B4GALNT2: variants seen among roughly 807,000 people sequenced by gnomAD.
The protein encoded by B4GALNT2 is beta-1,4-N-acetyl-galactosaminyltransferase 2 (SID blood group).
Under a neutral mutation model 51.1 loss-of-function variants are expected in B4GALNT2, and 42 were observed. That is an observed-to-expected ratio of 0.82 (90% CI 0.64 to 1.06). The LOEUF is 1.06. Ranked by LOEUF, B4GALNT2 falls within the 50% of genes least tolerant of loss-of-function variation. The pLI is 0.00. For synonymous variants in B4GALNT2, 253 were observed against 251.7 expected (o/e 1.01, Z -0.05); for missense variants, 602 against 633.6 (o/e 0.95, Z 0.54).
chr17:49,133,634 C>T (rs182940221), intron 1 of B4GALNT2, among the ~76,000 whole-genome samples: 23 of 152,122 alleles, frequency 1.5e-4, no homozygotes, highest in African/African-American at 4.3e-4. Flanking sequence ...CACGTTTGGC[C>T]GGGCGCAGTG....
chr17:49,158,706 G>A (rs182917832), intron 5 of B4GALNT2, among the ~76,000 whole-genome samples: 4 of 151,500 alleles, frequency 2.6e-5, no homozygotes, highest in Admixed American at 2.0e-4. Flanking sequence ...TATATAGAGA[G>A]AGGAAGAGGA....
rs1479155815 is a variant in B4GALNT2, at chr17:49,174,282, G to A, written c.*4554G>A. The A allele has an allele frequency of 6.6e-6, 1 of 152,198 alleles. No individual in the cohort carries two copies. The highest frequency in any genetic ancestry group is 2.4e-5 in the African/African-American group (1 of 41,452). The allele number at this position is 152,198 out of a possible 1,614,324, so 9.4% of individuals were successfully genotyped here. On this transcript the variant is annotated 3_prime_UTR_variant, in exon 11 of 11. Coordinates refer to ENST00000393354, the MANE Select transcript of B4GALNT2 (RefSeq NM_001159387.2). ...ATGTAACACTGTGAAAATTTTTTAT[G>A]AGTAGGTTCAATTGTTTGCCCTACA...
In B4GALNT2 at chr17:49,171,232, A is replaced by G. The variant is rs2042955830; in HGVS notation, c.*1504A>G. On this transcript the variant is annotated 3_prime_UTR_variant, in exon 11 of 11. Transcript: ENST00000393354. The stretch of plus-strand genomic sequence containing the variant: ...TGAGCTAATTCTCACAGGAGTCAGG[A>G]TCCGCACCTGCAGACTATACAAAGA... 10 of 230,356 alleles carry G rather than the reference A, an allele frequency of 4.3e-5. No homozygotes were observed. The South Asian group carries it at 4.7e-4, about 11-fold the overall frequency. The allele number at this position is 230,356 out of a possible 1,614,324, so 14.3% of individuals were successfully genotyped here.
intron 3 of B4GALNT2, among the ~76,000 whole-genome samples, chr17:49,144,822 T>G (rs918534501): frequency 4.6e-5 from 7 of 152,150 alleles, no homozygotes; most frequent in African/African-American, 1.7e-4. Flanking sequence ...TTAACTTACA[T>G]GATCACAAGG....
chr17:49,127,799 G>A (rs538191742), upstream of B4GALNT2, among the ~76,000 whole-genome samples: 1 of 152,272 alleles, frequency 6.6e-6, no homozygotes, highest in Non-Finnish European at 1.5e-5. Flanking sequence ...GGTTCCATAA[G>A]GAAAACAGAT....
chr17:49,157,435 C>T (rs937778192), intron 5 of B4GALNT2, among the ~76,000 whole-genome samples: 2 of 152,116 alleles, frequency 1.3e-5, no homozygotes, highest in African/African-American at 4.8e-5. Context: ...AGTCTCCTGC[C>T]TCAGCCTCCC....
At chr17:49,146,656 A>T (rs1325473898) in intron 3 of B4GALNT2, among the ~76,000 whole-genome samples, 1 of 152,062 alleles carries the variant, frequency 6.6e-6, no homozygotes, top group African/African-American at 2.4e-5. Context: ...CTCCATAGGG[A>T]TCCTCAAATT....
At chr17:49,158,636 C>CAAAAA (rs770885158) in intron 5 of B4GALNT2, among the ~76,000 whole-genome samples, 2 of 74,148 alleles carry the variant, frequency 2.7e-5, no homozygotes, top group Non-Finnish European at 2.4e-5. Context: ...GACTCCATCT[C>CAAAAA]AAAAAAAAAA....
upstream of B4GALNT2, among the ~76,000 whole-genome samples, chr17:49,131,049 A>G (rs942255066): frequency 4.6e-5 from 7 of 152,178 alleles, no homozygotes; most frequent in Non-Finnish European, 1.0e-4. Context: ...TCCTAGCCCC[A>G]TTACTGGCCA....
chr17:49,141,029 T>C (rs2042638880), intron 1 of B4GALNT2, among the ~76,000 whole-genome samples: 1 of 152,092 alleles, frequency 6.6e-6, no homozygotes, highest in African/African-American at 2.4e-5. Context: ...TAACCTTTTT[T>C]TTTTTCTGGA....
At chr17:49,132,163 T>A (rs2042544709), upstream of B4GALNT2, among the ~76,000 whole-genome samples, 1 of 152,098 alleles carries the variant, frequency 6.6e-6, no homozygotes, top group African/African-American at 2.4e-5. Context: ...AGCTGGGTCA[T>A]TAGAATACAA....
intron 3 of B4GALNT2, among the ~76,000 whole-genome samples, chr17:49,144,651 G>T (rs1043926461): frequency 6.6e-6 from 1 of 152,168 alleles, no homozygotes; most frequent in Non-Finnish European, 1.5e-5. Context: ...TGTAATACCA[G>T]CACTTTGGGA....
chr17:49,166,335 T>A, intron 9 of B4GALNT2, 81 bp downstream of exon 9: 25 of 265,270 alleles, frequency 9.4e-5, no homozygotes, highest in Non-Finnish European at 1.5e-4. Flanking sequence ...AAGAAATATA[T>A]AAGAGAAGAG....
In B4GALNT2 at chr17:49,156,559, C is replaced by T; in HGVS notation, c.461-7C>T. 4 of 1,613,726 alleles carry T rather than the reference C, an allele frequency of 2.5e-6. No individual in the cohort carries two copies. The highest frequency in any genetic ancestry group is 3.4e-6 in the Non-Finnish European group (4 of 1,179,890). ...CAGTTTTCTTTCCTTTTCCCTGTGT[C>T]CTCCAGGCCTCCAGTTTGAAGGACC... On this transcript the variant is annotated splice_polypyrimidine_tract_variant and splice_region_variant and intron_variant, in intron 4 of 10. Transcript: ENST00000393354.
chr17:49,135,510 G>A (rs997545654), intron 1 of B4GALNT2, among the ~76,000 whole-genome samples: 5 of 151,368 alleles, frequency 3.3e-5, no homozygotes, highest in Non-Finnish European at 5.9e-5. Context: ...CACCCGCCTC[G>A]GCCTCCCAAA....
chr17:49,138,993 A>G (rs1248999207), intron 1 of B4GALNT2, among the ~76,000 whole-genome samples: 1 of 152,214 alleles, frequency 6.6e-6, no homozygotes, highest in Non-Finnish European at 1.5e-5. Flanking sequence ...GGGGTCTAGA[A>G]CATACTAAGT....
At position 49,173,452 on chromosome 17, in the gene B4GALNT2, T is replaced by G. The variant is rs1002840689; in HGVS notation, c.*3724T>G. The G allele has an allele frequency of 5.3e-5, 8 of 152,256 alleles. No homozygotes were observed. Among genetic ancestry groups the G allele is most frequent in the African/African-American group, 1.9e-4 (8 of 41,474 alleles). 9.4% of individuals were successfully genotyped at this position (152,256 alleles called of 1,614,324 possible). On this transcript the variant is annotated 3_prime_UTR_variant, in exon 11 of 11. Coordinates refer to ENST00000393354, the MANE Select transcript of B4GALNT2 (RefSeq NM_001159387.2). Reference sequence around the variant, plus strand: ...ACTAGACCCATCTGTGAAGACATTTTCAGCACCTTCAAGTGGTTTGAATTT... The same window carrying G: ...ACTAGACCCATCTGTGAAGACATTTGCAGCACCTTCAAGTGGTTTGAATTT...
chr17:49,149,260 AG>A (rs1374462354), intron 3 of B4GALNT2: 5 of 152,134 alleles, frequency 3.3e-5, no homozygotes, highest in African/African-American at 1.2e-4. Flanking sequence ...CCCTATTGAA[AG>A]GTATTTAGAT....
chr17:49,152,657 C>T (rs557035602), intron 3 of B4GALNT2, 143 bp from the exon 4 acceptor site: 21 of 604,706 alleles, frequency 3.5e-5, no homozygotes, highest in Admixed American at 1.0e-4. Context: ...GCCTGGGTGA[C>T]GAGAATGGAG....
Sources: gnomAD v4.1 joint callset for allele counts (sites outside exome capture counted in the v4.1 genomes callset) on GRCh38, gnomAD v4.1.1 for gene constraint, MANE v1.5 for transcripts, NCBI Gene and HGNC (gene_info 2026-07-23, HGNC 2026-07-21) for gene names.